Variants in MBOAT2 observed in about 807,000 individuals in gnomAD.
MBOAT2 encodes the protein membrane-bound glycerophospholipid O-acyltransferase 2.
In MBOAT2, 28 loss-of-function variants were observed where a neutral mutation model predicts 63.4. The ratio of observed to expected loss-of-function variants is 0.44; its 90% confidence interval spans 0.33 to 0.61. The LOEUF (loss-of-function observed/expected upper bound fraction) is 0.61, where lower values mean the gene tolerates loss of function less well. Ranked by LOEUF, MBOAT2 falls within the 20% of genes least tolerant of loss-of-function variation. The pLI, the probability that MBOAT2 is intolerant of heterozygous loss-of-function variation, is 0.03. For missense variants in MBOAT2, 470 were observed against 605.8 expected (o/e 0.78, Z 2.35); for synonymous variants, 211 against 215.6 (o/e 0.98, Z 0.19).
chr2:8,986,125 C>T (rs1356366236), intron 1 of MBOAT2, among the ~76,000 whole-genome samples: 1 of 147,106 alleles, frequency 6.8e-6, no homozygotes, highest in East Asian at 2.0e-4. Flanking sequence ...AGCACAGACT[C>T]ATGAGAAAAA....
rs1039741183 is a variant in MBOAT2 at position 9,003,362 on chromosome 2, G to C, written c.75+178C>G. 2.0e-5 allele frequency among the ~76,000 whole-genome samples: 3 copies of C among 151,916 alleles called. No individual in the cohort carries two copies. Among genetic ancestry groups the C allele is most frequent in the African/African-American group, 7.2e-5 (3 of 41,462 alleles). ...GGGCTGGGGGCGCACCCAGGAGGGA[G>C]GGGGCTCTGGGACAATAACCGGCTT... On this transcript the variant is annotated intron_variant, in intron 1 of 12. Transcript: ENST00000305997. The surrounding 1 kb of genome is among the most constrained non-coding windows in gnomAD (Gnocchi z 5.4).
intron 1 of MBOAT2, among the ~76,000 whole-genome samples, chr2:8,965,486 C>A (rs764410165): frequency 6.6e-6 from 1 of 152,106 alleles, no homozygotes; most frequent in Non-Finnish European, 1.5e-5. Context: ...TGAACCTGAT[C>A]TTATCATTTT....
intron 4 of MBOAT2, among the ~76,000 whole-genome samples, chr2:8,891,470 A>G (rs893668852): frequency 1.3e-5 from 2 of 152,228 alleles, no homozygotes; most frequent in Non-Finnish European, 2.9e-5. Flanking sequence ...GGAAGCATTT[A>G]CAACAAAAAC....
chr2:8,869,987 C>G (rs1662197038), intron 8 of MBOAT2, among the ~76,000 whole-genome samples: 1 of 152,186 alleles, frequency 6.6e-6, no homozygotes, highest in Non-Finnish European at 1.5e-5. Flanking sequence ...CTGGGGATAT[C>G]AAACTGCAGG....
At chr2:8,878,507 A>C (rs1056676043) in intron 6 of MBOAT2, among the ~76,000 whole-genome samples, 2 of 152,144 alleles carry the variant, frequency 1.3e-5, no homozygotes, top group South Asian at 2.1e-4. Context: ...GGTTGAGAGA[A>C]TACCCTCATA....
intron 3 of MBOAT2, among the ~76,000 whole-genome samples, chr2:8,913,580 C>T (rs916872771): frequency 4.6e-5 from 7 of 151,936 alleles, no homozygotes; most frequent in South Asian, 2.1e-4. Flanking sequence ...TGAAAAAATG[C>T]CCAACATCAC....
chr2:8,977,583 C>T (rs1162523863), intron 1 of MBOAT2, among the ~76,000 whole-genome samples: 1 of 152,266 alleles, frequency 6.6e-6, no homozygotes, highest in African/African-American at 2.4e-5. Flanking sequence ...GCAGAGCCCA[C>T]TCCCTAATGG....
In MBOAT2 at chr2:8,916,401, T is replaced by C. The variant is rs139445788; in HGVS notation, c.300-7685A>G. 4.3e-4 allele frequency among the ~76,000 whole-genome samples: 66 copies of C among 152,354 alleles called. 1 individual carries two copies. In the East Asian group the frequency reaches 0.012, roughly 28 times the overall value. ...CTAGAACGGAACATTTTCTTATTCATTGCATAAGAACTGTTGAATTGCTGC... is the reference window on the plus strand; with the variant it reads ...CTAGAACGGAACATTTTCTTATTCACTGCATAAGAACTGTTGAATTGCTGC... On this transcript the variant is annotated intron_variant, in intron 3 of 12. Coordinates refer to ENST00000305997, the MANE Select transcript of MBOAT2 (RefSeq NM_138799.4).
chr2:8,972,037 C>CA (rs1291535966), intron 1 of MBOAT2, among the ~76,000 whole-genome samples: 7 of 152,014 alleles, frequency 4.6e-5, no homozygotes, highest in Non-Finnish European at 7.4e-5. Flanking sequence ...CATATGGAAC[C>CA]AAAAAAGAGC....
At chr2:8,915,378 CTGATGGCTGCTGTA>C (rs1666099372) in intron 3 of MBOAT2, among the ~76,000 whole-genome samples, 1 of 152,166 alleles carries the variant, frequency 6.6e-6, no homozygotes, top group African/African-American at 2.4e-5. Context: ...GAATATGGAT[CTGATGGCTGCTGTA>C]GCAGCCATCT....
intron 1 of MBOAT2, among the ~76,000 whole-genome samples, chr2:8,997,170 G>A (rs551651148): frequency 1.3e-5 from 2 of 152,196 alleles, no homozygotes; most frequent in African/African-American, 2.4e-5. Context: ...GCTGAGGGTC[G>A]TATTTATGGC....
chr2:8,915,789 C>A (rs1224799523), intron 3 of MBOAT2, among the ~76,000 whole-genome samples: 1 of 152,088 alleles, frequency 6.6e-6, no homozygotes, highest in Non-Finnish European at 1.5e-5. Flanking sequence ...AAATCCAGAC[C>A]GACCTGGACT....
chr2:8,911,606 G>A (rs1188011472), intron 3 of MBOAT2, among the ~76,000 whole-genome samples: 1 of 152,108 alleles, frequency 6.6e-6, no homozygotes, highest in East Asian at 1.9e-4. Flanking sequence ...CCTTCCCTGG[G>A]GGATGAGAAG....
At chr2:8,929,157 A>T (rs1667137897) in intron 3 of MBOAT2, among the ~76,000 whole-genome samples, 1 of 152,224 alleles carries the variant, frequency 6.6e-6, no homozygotes, top group South Asian at 2.1e-4. Context: ...GAGTATAATA[A>T]CATATCAGAA....
intron 4 of MBOAT2, among the ~76,000 whole-genome samples, chr2:8,894,302 A>T (rs1166878588): frequency 6.6e-6 from 1 of 152,180 alleles, no homozygotes; most frequent in African/African-American, 2.4e-5. Flanking sequence ...AGCAAACCAT[A>T]AATAGATCCA....
chr2:8,872,862 T>C (rs1029511552), intron 8 of MBOAT2, among the ~76,000 whole-genome samples: 10 of 152,360 alleles, frequency 6.6e-5, no homozygotes, highest in African/African-American at 1.4e-4. Context: ...GAATATAATA[T>C]GCATTCAACA....
chr2:8,961,732 C>T (rs768877239), intron 1 of MBOAT2, among the ~76,000 whole-genome samples: 6 of 152,202 alleles, frequency 3.9e-5, no homozygotes, highest in Non-Finnish European at 7.3e-5. Flanking sequence ...TAATATTAAT[C>T]GTGTGCTTAT....
intron 4 of MBOAT2, among the ~76,000 whole-genome samples, chr2:8,896,777 C>T (rs1664508095): frequency 6.6e-6 from 1 of 152,232 alleles, no homozygotes; most frequent in South Asian, 2.1e-4. Context: ...GTAATAGTTT[C>T]CTTATCACTT....
rs534594217 is a variant in MBOAT2, at chr2:8,859,921, A to C, written c.1337+692T>G. On this transcript the variant is annotated intron_variant, in intron 12 of 12. Coordinates refer to ENST00000305997, the MANE Select transcript of MBOAT2 (RefSeq NM_138799.4). Reference sequence around the variant, plus strand: ...TTCCTTAGGCTGGGTGTGGTGGCTCATGCCTGTAATCCCAGCACTTTGGGA... The same window carrying C: ...TTCCTTAGGCTGGGTGTGGTGGCTCCTGCCTGTAATCCCAGCACTTTGGGA... 1.1e-3 allele frequency among the ~76,000 whole-genome samples: 167 copies of C among 152,336 alleles called. 2 individuals carry two copies. Among genetic ancestry groups the C allele is most frequent in the Non-Finnish European group, 4.4e-4 (30 of 68,022 alleles).
Sources: allele counts gnomAD v4.1 joint callset (sites outside exome capture counted in the v4.1 genomes callset), GRCh38; gene constraint gnomAD v4.1.1; non-coding constraint Gnocchi (gnomAD v3.1); transcripts MANE v1.5; gene names NCBI Gene and HGNC (gene_info 2026-07-23, HGNC 2026-07-21).